Variants in GFM2 observed in about 807,000 individuals in gnomAD.
GFM2 encodes ribosome-releasing factor 2, mitochondrial.
In GFM2, 72 loss-of-function variants were observed where a neutral mutation model predicts 95.4. The observed-to-expected ratio is 0.76, with a 90% CI of 0.62 to 0.92. The LOEUF is 0.92. GFM2 is among the 40% of genes least tolerant of loss of function. The pLI is 0.00. For synonymous variants in GFM2, 276 were observed against 317.5 expected (o/e 0.87, Z 1.39); for missense variants, 825 against 924.1 (o/e 0.89, Z 1.39).
intron 5 of GFM2, among the ~76,000 whole-genome samples, chr5:74,754,908 G>C (rs370806066): frequency 6.6e-6 from 1 of 152,028 alleles, no homozygotes; most frequent in Non-Finnish European, 1.5e-5. Flanking sequence ...CTGAGGTCAG[G>C]AGTTCAAGAC....
At chr5:74,756,436 T>C (rs1276870566) in intron 5 of GFM2, among the ~76,000 whole-genome samples, 1 of 152,186 alleles carries the variant, frequency 6.6e-6, no homozygotes, top group Non-Finnish European at 1.5e-5. Context: ...TATCCACTCA[T>C]TGATTGGCAT....
chr5:74,748,703 A>G (rs1330031791), intron 7 of GFM2, among the ~76,000 whole-genome samples: 5 of 151,538 alleles, frequency 3.3e-5, no homozygotes, highest in African/African-American at 1.2e-4. Context: ...TGTCTCTACT[A>G]AAAATACAAA....
Position 74,725,772 on chromosome 5 carries a change from A to G in GFM2, c.1913-17T>C. On this transcript the variant is annotated splice_polypyrimidine_tract_variant and intron_variant, in intron 18 of 20. Transcript: ENST00000296805. ...GCAATGGTCCTAGACAAGGGAAAAA[A>G]ATTGTATCATACTCTGCTAGATGTG... 6.4e-7 allele frequency: 1 copy of G among 1,573,108 alleles called. No individual in the cohort carries two copies. The highest frequency in any genetic ancestry group is 2.2e-5 in the East Asian group (1 of 44,676).
At chr5:74,752,371 T>C (rs1023805631) in intron 5 of GFM2, among the ~76,000 whole-genome samples, 4 of 152,214 alleles carry the variant, frequency 2.6e-5, no homozygotes, top group East Asian at 3.8e-4. Context: ...AAATGGTAGC[T>C]AGTTGCCCCA....
Position 74,721,685 on chromosome 5 carries a change from T to C in GFM2, c.2310A>G (p.Thr770=). ...YQAMNPQDQN[T]LLNRRSGLT ...TCAAACCACTTCTCCGGTTGAGCAG[T>C]GTATTTTGATCTTGAGGATTCATGG... The change falls in exon 21 of 21, where the codon ACA becomes ACG. Residue 770 remains threonine, a synonymous_variant. Coordinates refer to ENST00000296805, the MANE Select transcript of GFM2 (RefSeq NM_032380.5). 2 of 1,613,666 alleles carry C rather than the reference T, an allele frequency of 1.2e-6. No homozygotes were observed. The highest frequency in any genetic ancestry group is 1.7e-6 in the Non-Finnish European group (2 of 1,179,858).
At chr5:74,742,933 C>T (rs1226209103) in intron 10 of GFM2, among the ~76,000 whole-genome samples, 2 of 152,194 alleles carry the variant, frequency 1.3e-5, no homozygotes, top group Non-Finnish European at 2.9e-5. Flanking sequence ...TCCCAAAGTG[C>T]TGGGATTACA....
intron 10 of GFM2, among the ~76,000 whole-genome samples, chr5:74,743,060 C>T (rs753537184): frequency 1.2e-4 from 19 of 152,146 alleles, no homozygotes; most frequent in Non-Finnish European, 2.4e-4. Flanking sequence ...AAACAAACTC[C>T]ATATACATTA....
chr5:74,754,573 G>T (rs188559993), intron 5 of GFM2, among the ~76,000 whole-genome samples: 289 of 151,790 alleles, frequency 1.9e-3, no homozygotes, highest in African/African-American at 6.8e-3. Flanking sequence ...TCTTATATCA[G>T]ACAAAACAAT....
intron 17 of GFM2, among the ~76,000 whole-genome samples, chr5:74,729,443 T>G (rs1210468628): frequency 3.3e-5 from 5 of 152,214 alleles, no homozygotes; most frequent in African/African-American, 1.2e-4. Context: ...CTACTCCTAC[T>G]TCCTTTTTGA....
chr5:74,738,502 G>T lies in GFM2; in HGVS notation c.1220C>A (p.Thr407Lys). The T allele has an allele frequency of 6.2e-7, 1 of 1,612,122 alleles. No individual in the cohort carries two copies. The highest frequency in any genetic ancestry group is 8.5e-7 in the Non-Finnish European group (1 of 1,179,216). ...TAAAATAATCTAAGCTTCTACTTACGTGCAGTTTCCATTAATATTATGAAT... is the reference window on the plus strand; with the variant it reads ...TAAAATAATCTAAGCTTCTACTTACTTGCAGTTTCCATTAATATTATGAAT... ...LAIHNINGNC[T>K]ERISRLLLPF... The change falls in exon 13 of 21, where the codon ACG becomes AAG. Residue 407 changes from threonine (T) to lysine (K), a missense_variant and splice_region_variant. Thr to Lys is a moderately conservative substitution (Grantham distance 78). Transcript: ENST00000296805.
chr5:74,758,972 A>T lies in GFM2; in HGVS notation c.207-26T>A, dbSNP rs1331518983. 17 of 1,452,508 alleles carry T rather than the reference A, an allele frequency of 1.2e-5. No homozygotes were observed. In the South Asian group the frequency reaches 1.9e-4, roughly 17 times the overall value. The allele number at this position is 1,452,508 out of a possible 1,614,324, so 90.0% of individuals were successfully genotyped here. A position where few individuals can be genotyped will look rare whatever the true frequency, so the allele number is the denominator to read the frequency against. On this transcript the variant is annotated intron_variant, in intron 4 of 20. Transcript: ENST00000296805. The stretch of plus-strand genomic sequence containing the variant: ...CTGTTTAAAAGGAAAAAATAAGGTA[A>T]ACTTTACTAAAATTGTAAAACCAAA...
At chr5:74,745,361 A>G (rs1444140840) in intron 10 of GFM2, among the ~76,000 whole-genome samples, 1 of 152,182 alleles carries the variant, frequency 6.6e-6, no homozygotes, top group Non-Finnish European at 1.5e-5. Context: ...AAGCAAATGA[A>G]AGAGAAATAT....
At chr5:74,739,888 C>A in intron 12 of GFM2, 101 bp downstream of exon 12, 1 of 822,534 alleles carries the variant, frequency 1.2e-6, no homozygotes. Flanking sequence ...ACACTCACCA[C>A]TATTATTCAA....
chr5:74,730,484 AC>A, intron 16 of GFM2, 86 bp from the exon 17 acceptor site: 2 of 852,440 alleles, frequency 2.3e-6, no homozygotes, highest in Non-Finnish European at 3.3e-6. Flanking sequence ...GTTAATACAT[AC>A]TTATTTTTAA....
Position 74,733,108 on chromosome 5 carries a change from AAAC to A in GFM2, c.1511-13_1511-11del, listed in dbSNP as rs747119772. The A allele has an allele frequency of 5.7e-6, 9 of 1,584,326 alleles. No homozygotes were observed. The South Asian group carries it at 9.9e-5, about 18-fold the overall frequency. On this transcript the variant is annotated splice_polypyrimidine_tract_variant and intron_variant, in intron 15 of 20. Coordinates refer to ENST00000296805, the MANE Select transcript of GFM2 (RefSeq NM_032380.5). ...AACGCATGTTCCAAATCTATGGGAT[AAAC>A]AACTGTTATCTTTACATTTCATTTT...
intron 14 of GFM2, among the ~76,000 whole-genome samples, chr5:74,737,919 T>A (rs1742912340): frequency 6.6e-6 from 1 of 152,152 alleles, no homozygotes. Flanking sequence ...TCATGGAGGC[T>A]TTACTAACAA....
At chr5:74,735,694 G>A (rs1244822221) in intron 15 of GFM2, among the ~76,000 whole-genome samples, 1 of 152,180 alleles carries the variant, frequency 6.6e-6, no homozygotes, top group East Asian at 1.9e-4. Context: ...ATGCAAAAAA[G>A]AGCACGGTAC....
At chr5:74,728,567 C>T (rs759259164) in intron 17 of GFM2, among the ~76,000 whole-genome samples, 9 of 152,084 alleles carry the variant, frequency 5.9e-5, no homozygotes, top group East Asian at 1.9e-4. Flanking sequence ...TACTTTCTAT[C>T]GCCTCTCTTA....
At chr5:74,723,949 A>G (rs1181363829) in intron 19 of GFM2, among the ~76,000 whole-genome samples, 1 of 152,162 alleles carries the variant, frequency 6.6e-6, no homozygotes, top group Non-Finnish European at 1.5e-5. Context: ...ATATAATCCT[A>G]TTTGTGTCCT....
Sources: gnomAD v4.1 joint callset for allele counts (sites outside exome capture counted in the v4.1 genomes callset) on GRCh38, gnomAD v4.1.1 for gene constraint, MANE v1.5 for transcripts, NCBI Gene and HGNC (gene_info 2026-07-23, HGNC 2026-07-21) for gene names.